Variants in ADGRV1 observed in about 807,000 individuals in gnomAD.
ADGRV1 encodes the protein adhesion G protein-coupled receptor V1.
In ADGRV1, 359 loss-of-function variants were observed where a neutral mutation model predicts 596.2. The observed-to-expected ratio is 0.60, with a 90% CI of 0.55 to 0.66. ADGRV1 has a LOEUF of 0.66. ADGRV1 is among the 30% of genes least tolerant of loss of function. The pLI, the probability that ADGRV1 is intolerant of heterozygous loss-of-function variation, is 0.00. For synonymous variants in ADGRV1, 2,681 were observed against 2,679.2 expected, an observed-to-expected ratio of 1.00 and a Z score of -0.02; for missense variants, 7,274 against 7,575.6, an observed-to-expected ratio of 0.96 and a Z score of 1.48.
In ADGRV1 at chr5:90,745,242, C is replaced by G. The variant is rs375056990; in HGVS notation, c.10746C>G (p.Ser3582=). The G allele has an allele frequency of 4.4e-6, 7 of 1,599,116 alleles. No homozygotes were observed. Among genetic ancestry groups the G allele is most frequent in the African/African-American group, 4.0e-5 (3 of 74,614 alleles). ...ATATATATGAGCTAGCCTACATTTC[C>G]AGCCATTCTGACTTTATTCCTAGGT... ...HSHIYELAYI[S]SHSDFIPSSG... is the part of the protein sequence containing the mutation. The change falls in exon 51 of 90, where the codon TCC becomes TCG. Residue 3582 remains serine (S), a synonymous_variant. Transcript: ENST00000405460.
At chr5:90,575,994 C>A (rs1056554029) in intron 1 of ADGRV1, among the ~76,000 whole-genome samples, 3 of 152,094 alleles carry the variant, frequency 2.0e-5, no homozygotes, top group African/African-American at 7.2e-5. Context: ...GGTTGCACAA[C>A]CCCAAGAGCC....
intron 85 of ADGRV1, among the ~76,000 whole-genome samples, chr5:91,063,214 C>T (rs773061295): frequency 6.6e-6 from 1 of 152,044 alleles, no homozygotes; most frequent in Non-Finnish European, 1.5e-5. Context: ...CCACCTCGGC[C>T]TCCCAAAGTG....
chr5:90,691,081 T>C, intron 31 of ADGRV1, 40 bp downstream of exon 31: 1 of 1,610,848 alleles, frequency 6.2e-7, no homozygotes. Context: ...CTGTAAATCA[T>C]ACCGTATCTA....
At chr5:91,094,198 G>A (rs978155767) in intron 86 of ADGRV1, among the ~76,000 whole-genome samples, 9 of 151,982 alleles carry the variant, frequency 5.9e-5, no homozygotes, top group African/African-American at 1.4e-4. Flanking sequence ...AGTGGCTCAC[G>A]CCTATAAACC....
At chr5:90,835,236 C>T (rs1764877233) in intron 77 of ADGRV1, among the ~76,000 whole-genome samples, 1 of 152,184 alleles carries the variant, frequency 6.6e-6, no homozygotes, top group African/African-American at 2.4e-5. Flanking sequence ...TTGGTTATTG[C>T]AGCCATATCT....
At chr5:90,701,108 G>C (rs905610507) in intron 34 of ADGRV1, among the ~76,000 whole-genome samples, 1 of 152,080 alleles carries the variant, frequency 6.6e-6, no homozygotes, top group Non-Finnish European at 1.5e-5. Flanking sequence ...TCTGGATTTC[G>C]TATCAAGATG....
intron 1 of ADGRV1, among the ~76,000 whole-genome samples, chr5:90,574,848 C>T (rs1756997479): frequency 6.6e-6 from 1 of 152,080 alleles, no homozygotes; most frequent in South Asian, 2.1e-4. Context: ...GTATCCTTTT[C>T]CTCTAGATTT....
At chr5:90,593,273 A>G in intron 1 of ADGRV1, among the ~76,000 whole-genome samples, 1 of 145,614 alleles carries the variant, frequency 6.9e-6, no homozygotes, top group Non-Finnish European at 1.5e-5. Context: ...ATGCAGCCAT[A>G]AAAAAGGATG....
Position 90,811,231 on chromosome 5 carries a change from G to C in ADGRV1, c.15971G>C (p.Gly5324Ala), listed in dbSNP as rs959155731. The C allele has an allele frequency of 6.2e-7, 1 of 1,612,788 alleles. No individual in the cohort carries two copies. Among genetic ancestry groups the C allele is most frequent in the African/African-American group, 1.3e-5 (1 of 75,046 alleles). ...ATTTTGGATGATGATGAGCCTGAGG[G>C]GCAGGAATTCTTCTACGTGTTTCTC... ...VQILDDDEPE[G>A]QEFFYVFLTN... Residue 5324 changes from glycine to alanine, a missense_variant, in exon 74 of 90, where the codon GGG becomes GCG. Coordinates refer to ENST00000405460, the MANE Select transcript of ADGRV1 (RefSeq NM_032119.4).
chr5:90,724,692 T>G, intron 45 of ADGRV1, 140 bp from the exon 46 acceptor site: 1 of 644,960 alleles, frequency 1.6e-6, no homozygotes. Context: ...ACTTGTGTCT[T>G]TTCACACTCA....
chr5:90,857,003 A>G (rs894108691), intron 82 of ADGRV1, among the ~76,000 whole-genome samples: 3 of 152,110 alleles, frequency 2.0e-5, no homozygotes, highest in Admixed American at 6.6e-5. Context: ...ATTAATTACT[A>G]TTTGTTCTGG....
rs570618158 is a variant in ADGRV1, at chr5:91,050,670, G to A, written c.18153-21777G>A. ...ACCCAGGAGTTCAAGACCACCCTTG[G>A]CAACATAGAGAGACCCTGGCTCTAC... On this transcript the variant is annotated intron_variant, in intron 85 of 89. Transcript: ENST00000405460. Among the ~76,000 whole-genome samples, 15 of 152,146 alleles carry A rather than the reference G, an allele frequency of 9.9e-5. No individual in the cohort carries two copies. In the South Asian group the frequency reaches 3.1e-3, roughly 32 times the overall value.
At chr5:91,011,176 G>A (rs929314853) in intron 85 of ADGRV1, among the ~76,000 whole-genome samples, 8 of 152,012 alleles carry the variant, frequency 5.3e-5, no homozygotes, top group African/African-American at 1.7e-4. Flanking sequence ...TAATAAAAAT[G>A]TTGAGGACAT....
chr5:90,759,688 A>T (rs1421211661), intron 58 of ADGRV1, 100 bp downstream of exon 58: 3 of 1,053,004 alleles, frequency 2.8e-6, no homozygotes, highest in Non-Finnish European at 4.3e-6. Flanking sequence ...AGTCTTGGCC[A>T]GGCATGGTGG....
At chr5:90,621,472 T>C (rs1764059318) in intron 4 of ADGRV1, among the ~76,000 whole-genome samples, 1 of 152,212 alleles carries the variant, frequency 6.6e-6, no homozygotes, top group Admixed American at 6.5e-5. Context: ...ATTTGAATGA[T>C]AAGGAATTGA....
Position 90,763,492 on chromosome 5 carries a change from T to A in ADGRV1, c.12285+23T>A. On this transcript the variant is annotated intron_variant, in intron 59 of 89. Transcript: ENST00000405460. ...GAGGTATAGTCAGCATTAGCACTCCTGTAATTTTTCCCCAATTTGTCTTTG... is the reference window on the plus strand; with the variant it reads ...GAGGTATAGTCAGCATTAGCACTCCAGTAATTTTTCCCCAATTTGTCTTTG... 1.9e-6 allele frequency: 3 copies of A among 1,577,932 alleles called. No individual in the cohort carries two copies. The Admixed American group carries it at 5.3e-5, about 28-fold the overall frequency.
At chr5:90,825,753 G>A (rs999707593) in intron 76 of ADGRV1, 2 of 152,108 alleles carry the variant, frequency 1.3e-5, no homozygotes, top group African/African-American at 4.8e-5. Flanking sequence ...TAATTAAGGG[G>A]TAAGAAAATG....
In ADGRV1 at chr5:90,625,259, A is replaced by G. The variant is rs748248200; in HGVS notation, c.672+16A>G. 2.0e-5 allele frequency: 29 copies of G among 1,484,660 alleles called. No individual in the cohort carries two copies. In the South Asian group the frequency reaches 3.0e-4, roughly 15 times the overall value. The allele number at this position is 1,484,660 out of a possible 1,614,324, so 92.0% of individuals were successfully genotyped here. A position where few individuals can be genotyped will look rare whatever the true frequency, so the allele number is the denominator to read the frequency against. On this transcript the variant is annotated intron_variant, in intron 6 of 89. Coordinates refer to ENST00000405460, the MANE Select transcript of ADGRV1 (RefSeq NM_032119.4). ...CGATGACGAGGTTGGCTAATGTTACATACCCAAATGGGACAAGGATTCTGT... is the reference window on the plus strand; with the variant it reads ...CGATGACGAGGTTGGCTAATGTTACGTACCCAAATGGGACAAGGATTCTGT...
At chr5:90,672,224 A>G (rs1335280347) in intron 21 of ADGRV1, among the ~76,000 whole-genome samples, 2 of 152,218 alleles carry the variant, frequency 1.3e-5, no homozygotes, top group Non-Finnish European at 2.9e-5. Context: ...CTATGCATTA[A>G]AAACTATTTT....
Sources: gnomAD v4.1 joint callset for allele counts (sites outside exome capture counted in the v4.1 genomes callset) on GRCh38, gnomAD v4.1.1 for gene constraint, MANE v1.5 for transcripts, NCBI Gene and HGNC (gene_info 2026-07-23, HGNC 2026-07-21) for gene names.